RBX1: variants seen among roughly 807,000 people sequenced by gnomAD.
RBX1 encodes the protein ring-box 1, also known as E3 ubiquitin-protein ligase RBX1.
For synonymous variants in RBX1, 48 were observed against 47.9 expected (o/e 1.00, Z -0.01); for missense variants, 46 against 141.4 (o/e 0.33, Z 3.42).
intron 1 of RBX1, among the ~76,000 whole-genome samples, chr22:40,953,311 T>C (rs903130411): frequency 6.6e-6 from 1 of 152,168 alleles, no homozygotes; most frequent in Non-Finnish European, 1.5e-5. Flanking sequence ...TTTTAAACTA[T>C]AGGAAACAAA....
chr22:40,963,649 A>G (rs1270127303), intron 2 of RBX1, among the ~76,000 whole-genome samples: 2 of 152,000 alleles, frequency 1.3e-5, no homozygotes, highest in African/African-American at 2.4e-5. Context: ...AAGGAAAAAA[A>G]CTCAGTCTAG....
chr22:40,957,265 A>T (rs1425029478), intron 2 of RBX1, among the ~76,000 whole-genome samples: 2 of 152,044 alleles, frequency 1.3e-5, no homozygotes, highest in Non-Finnish European at 2.9e-5. Flanking sequence ...GAATCACTTG[A>T]ACCTGGGAGG....
Position 40,967,680 on chromosome 22 carries a change from C to G in RBX1, c.229-119C>G. ...TTGTTGAACTTTTGCCTCTCGTTGT[C>G]TTCTTTTCTTTTCTTGCCCACTATA... On this transcript the variant is annotated intron_variant, in intron 3 of 4. Coordinates refer to ENST00000216225, the MANE Select transcript of RBX1 (RefSeq NM_014248.4). 6 of 685,438 alleles carry G rather than the reference C, an allele frequency of 8.8e-6. No individual in the cohort carries two copies. In the South Asian group the frequency reaches 1.2e-4, roughly 13 times the overall value. The allele number at this position is 685,438 out of a possible 1,614,324, so 42.5% of individuals were successfully genotyped here.
chr22:40,962,049 A>G (rs1288183549), intron 2 of RBX1, among the ~76,000 whole-genome samples: 1 of 151,476 alleles, frequency 6.6e-6, no homozygotes, highest in East Asian at 1.9e-4. Flanking sequence ...CTTCCAAAGC[A>G]TTGGGATTGC....
intron 3 of RBX1, among the ~76,000 whole-genome samples, chr22:40,965,594 C>T (rs1463800537): frequency 1.3e-5 from 2 of 152,030 alleles, no homozygotes; most frequent in Admixed American, 1.3e-4. Context: ...GTGTGTACCA[C>T]CACACCCAGC....
chr22:40,963,250 AT>A (rs2058345843), intron 2 of RBX1, among the ~76,000 whole-genome samples: 1 of 152,186 alleles, frequency 6.6e-6, no homozygotes, highest in Non-Finnish European at 1.5e-5. Context: ...AGTTACTATG[AT>A]CAGAGAAAGC....
At chr22:40,960,393 C>T (rs957284053) in intron 2 of RBX1, among the ~76,000 whole-genome samples, 5 of 151,904 alleles carry the variant, frequency 3.3e-5, no homozygotes, top group Non-Finnish European at 7.4e-5. Flanking sequence ...TAAGCTGGGT[C>T]TTGAAGGGTG....
chr22:40,957,046 A>C (rs375334319), intron 2 of RBX1, among the ~76,000 whole-genome samples: 27 of 144,820 alleles, frequency 1.9e-4, no homozygotes, highest in Non-Finnish European at 2.7e-4. Context: ...ACAACAACAA[A>C]AAAAAGAAAC....
intron 2 of RBX1, among the ~76,000 whole-genome samples, chr22:40,960,766 T>G (rs1465893068): frequency 6.6e-6 from 1 of 152,138 alleles, no homozygotes; most frequent in East Asian, 1.9e-4. Context: ...ATCCCTTTTT[T>G]GTTTGTTTTT....
At chr22:40,956,831 C>T (rs1349496374) in intron 2 of RBX1, among the ~76,000 whole-genome samples, 1 of 151,214 alleles carries the variant, frequency 6.6e-6, no homozygotes, top group Non-Finnish European at 1.5e-5. Flanking sequence ...GTCCAGAGAT[C>T]GAGACCATCC....
At chr22:40,967,745 C>T (rs1004285559) in intron 3 of RBX1, 54 bp from the exon 4 acceptor site, 58 of 1,479,132 alleles carry the variant, frequency 3.9e-5, no homozygotes, top group Non-Finnish European at 5.3e-5. Context: ...TGTTGTCGCT[C>T]GATGGCTGAG....
chr22:40,955,173 C>T (rs1291902459), intron 2 of RBX1, among the ~76,000 whole-genome samples: 1 of 152,100 alleles, frequency 6.6e-6, no homozygotes, highest in African/African-American at 2.4e-5. Context: ...TTCACCTCTT[C>T]TCTTCCTTGG....
Position 40,960,631 on chromosome 22 carries a change from A to T in RBX1, c.158-3416A>T, listed in dbSNP as rs371394806. On this transcript the variant is annotated intron_variant, in intron 2 of 4. Coordinates refer to ENST00000216225, the MANE Select transcript of RBX1 (RefSeq NM_014248.4). ...TTATTTAGCTAATTTTATAATACAT[A>T]GTCTTCCTCTAAGTTAGAGGATCCA... 1.6e-4 allele frequency among the ~76,000 whole-genome samples: 24 copies of T among 152,294 alleles called. No homozygotes were observed. In the East Asian group the frequency reaches 3.3e-3, roughly 21 times the overall value.
intron 2 of RBX1, among the ~76,000 whole-genome samples, chr22:40,962,557 G>A (rs569763292): frequency 5.4e-5 from 8 of 148,002 alleles, no homozygotes; most frequent in African/African-American, 1.7e-4. Context: ...GTGCAGTGGC[G>A]CAGTCTTGGC....
At chr22:40,963,398 G>A (rs1202231677) in intron 2 of RBX1, among the ~76,000 whole-genome samples, 1 of 151,994 alleles carries the variant, frequency 6.6e-6, no homozygotes, top group Non-Finnish European at 1.5e-5. Context: ...CACTTTGGGA[G>A]GCTGAGGTGG....
intron 2 of RBX1, among the ~76,000 whole-genome samples, chr22:40,958,774 T>TTTTGG (rs57128854): frequency 0.36 from 51,732 of 144,722 alleles, 10,644 homozygotes; most frequent in East Asian, 0.5. Flanking sequence ...TCCATCAGTA[T>TTTTGG]TTTGGTTTGG....
intron 1 of RBX1, among the ~76,000 whole-genome samples, chr22:40,953,127 A>G (rs962850368): frequency 6.6e-6 from 1 of 151,252 alleles, no homozygotes; most frequent in Non-Finnish European, 1.5e-5. Context: ...AACAGCTGGT[A>G]TTATAGACAC....
intron 2 of RBX1, among the ~76,000 whole-genome samples, chr22:40,955,525 T>A (rs914861386): frequency 1.3e-5 from 2 of 151,886 alleles, no homozygotes; most frequent in Admixed American, 6.6e-5. Flanking sequence ...AAAAAAAAAA[T>A]GAGATATTTT....
At position 40,973,270 on chromosome 22, in the gene RBX1, C is replaced by T. The variant is rs1050391474; in HGVS notation, c.*782C>T. The T allele has an allele frequency of 6.6e-6, 1 of 152,170 alleles. No individual in the cohort carries two copies. Among genetic ancestry groups the T allele is most frequent in the Non-Finnish European group, 1.5e-5 (1 of 68,104 alleles). 9.4% of individuals were successfully genotyped at this position (152,170 alleles called of 1,614,324 possible). A position where few individuals can be genotyped will look rare whatever the true frequency, so the allele number is the denominator to read the frequency against. On this transcript the variant is annotated 3_prime_UTR_variant, in exon 5 of 5. Coordinates refer to ENST00000216225, the MANE Select transcript of RBX1 (RefSeq NM_014248.4). Reference sequence around the variant, plus strand: ...ATGAGGCAGTAGATGGACCGCGCAACCTAGATCCCTCACATGCACGGTTCG... The same window carrying T: ...ATGAGGCAGTAGATGGACCGCGCAATCTAGATCCCTCACATGCACGGTTCG...
Sources: gnomAD v4.1 joint callset for allele counts (sites outside exome capture counted in the v4.1 genomes callset) on GRCh38, gnomAD v4.1.1 for gene constraint, MANE v1.5 for transcripts, NCBI Gene and HGNC (gene_info 2026-07-23, HGNC 2026-07-21) for gene names.